CERS6: variants seen among roughly 807,000 people sequenced by gnomAD.
CERS6 encodes LAG1 homolog, ceramide synthase 6.
Under a neutral mutation model 56.8 loss-of-function variants are expected in CERS6, and 26 were observed. The ratio of observed to expected loss-of-function variants is 0.46; its 90% CI spans 0.34 to 0.63. The LOEUF is 0.63. Among genes scored for constraint, CERS6 ranks in the 30% least tolerant of loss-of-function variants. The pLI, the probability that CERS6 is intolerant of heterozygous loss-of-function variation, is 0.01. For synonymous variants in CERS6, 164 were observed against 173.3 expected (o/e 0.95, Z 0.42); for missense variants, 415 against 467.5 (o/e 0.89, Z 1.04).
intron 3 of CERS6, among the ~76,000 whole-genome samples, chr2:168,615,025 A>T (rs1444740810): frequency 1.3e-5 from 2 of 152,114 alleles, no homozygotes; most frequent in Non-Finnish European, 2.9e-5. Flanking sequence ...AAATCTGCAG[A>T]TGGTTCACAT....
At chr2:168,547,321 A>G (rs770832679) in intron 1 of CERS6, among the ~76,000 whole-genome samples, 1 of 152,140 alleles carries the variant, frequency 6.6e-6, no homozygotes, top group East Asian at 1.9e-4. Flanking sequence ...TTTTCATCTC[A>G]TAGTCTTTCT....
chr2:168,456,710 C>T lies in CERS6; in HGVS notation c.170+92C>T, dbSNP rs1463074937. On this transcript the variant is annotated intron_variant, in intron 1 of 9. Coordinates refer to ENST00000305747, the MANE Select transcript of CERS6 (RefSeq NM_203463.3). The surrounding 1 kb of genome is among the most constrained non-coding windows in gnomAD (Gnocchi z 4.1). ...CTCTCTGGCGCACGCCCCCGCGCCC[C>T]CAACGCTCGCGTTCACGCCTCCCAA... The T allele has an allele frequency of 1.6e-6, 2 of 1,278,624 alleles. No homozygotes were observed. The highest frequency in any genetic ancestry group is 2.5e-5 in the East Asian group (1 of 40,294). 79.2% of individuals were successfully genotyped at this position (1,278,624 alleles called of 1,614,324 possible). A position where few individuals can be genotyped will look rare whatever the true frequency, so the allele number is the denominator to read the frequency against.
intron 1 of CERS6, among the ~76,000 whole-genome samples, chr2:168,522,282 A>G (rs1339783260): frequency 3.3e-5 from 5 of 152,202 alleles, no homozygotes; most frequent in African/African-American, 1.2e-4. Context: ...GAAGAACTGC[A>G]GGTTTTTATG....
At chr2:168,746,874 T>C in intron 8 of CERS6, among the ~76,000 whole-genome samples, 1 of 145,438 alleles carries the variant, frequency 6.9e-6, no homozygotes, top group East Asian at 2.0e-4. Flanking sequence ...TAAAGTATGT[T>C]ATTTTCTCTA....
At chr2:168,575,103 C>A (rs1240971485) in intron 3 of CERS6, among the ~76,000 whole-genome samples, 2 of 152,174 alleles carry the variant, frequency 1.3e-5, no homozygotes, top group Non-Finnish European at 2.9e-5. Flanking sequence ...GCCAGCTCTA[C>A]CTGCCTGTCT....
chr2:168,714,952 A>C, intron 6 of CERS6, 49 bp from the exon 7 acceptor site: 1 of 1,560,698 alleles, frequency 6.4e-7, no homozygotes, highest in Non-Finnish European at 8.7e-7. Flanking sequence ...GGCTAAATGG[A>C]AATGTGATGT....
At chr2:168,459,813 A>G (rs1419408757) in intron 1 of CERS6, among the ~76,000 whole-genome samples, 2 of 152,234 alleles carry the variant, frequency 1.3e-5, no homozygotes, top group Non-Finnish European at 2.9e-5. Flanking sequence ...CTCAGGAACT[A>G]TAATAAATGC....
At chr2:168,676,625 A>T (rs987791991) in intron 4 of CERS6, among the ~76,000 whole-genome samples, 1 of 152,232 alleles carries the variant, frequency 6.6e-6, no homozygotes, top group Non-Finnish European at 1.5e-5. Flanking sequence ...GAAAATGTCT[A>T]CAAGTACTTA....
chr2:168,736,297 T>C (rs781516683), intron 8 of CERS6, among the ~76,000 whole-genome samples: 23 of 152,178 alleles, frequency 1.5e-4, no homozygotes, highest in Admixed American at 3.3e-4. Context: ...AGTTGATACA[T>C]GTACACAATG....
At chr2:168,696,708 A>G in intron 6 of CERS6, among the ~76,000 whole-genome samples, 1 of 152,198 alleles carries the variant, frequency 6.6e-6, no homozygotes, top group South Asian at 2.1e-4. Flanking sequence ...GGAAGGGGCA[A>G]GACAGCTCTA....
intron 3 of CERS6, among the ~76,000 whole-genome samples, chr2:168,589,759 A>G (rs16855551): frequency 0.019 from 2,885 of 152,324 alleles, 132 homozygotes; most frequent in East Asian, 0.19. Flanking sequence ...ACCTCATTCT[A>G]ACTTGTGATG....
Position 168,552,221 on chromosome 2 carries a change from T to TG in CERS6, c.276+4521dup, listed in dbSNP as rs370763726. Among the ~76,000 whole-genome samples, 599 of 152,170 alleles carry TG rather than the reference T, an allele frequency of 3.9e-3. 8 individuals carry two copies. The highest frequency in any genetic ancestry group is 0.014 in the African/African-American group (572 of 41,502). On this transcript the variant is annotated intron_variant, in intron 2 of 9. Coordinates refer to ENST00000305747, the MANE Select transcript of CERS6 (RefSeq NM_203463.3). ...TTAATGTTATTAATATTAACCTAGG[T>TG]GTTTGTAATATATAAATGTTTATGT... is the stretch of plus-strand genomic sequence containing the variant.
At chr2:168,696,954 T>C (rs1686664137) in intron 6 of CERS6, among the ~76,000 whole-genome samples, 1 of 152,212 alleles carries the variant, frequency 6.6e-6, no homozygotes, top group African/African-American at 2.4e-5. Context: ...GCAAAATCAG[T>C]TCCTTTACAT....
chr2:168,583,192 G>A (rs867346979), intron 3 of CERS6, among the ~76,000 whole-genome samples: 2 of 152,270 alleles, frequency 1.3e-5, no homozygotes, highest in South Asian at 4.2e-4. Context: ...TTAGAAATAT[G>A]CACTAATGAC....
intron 8 of CERS6, among the ~76,000 whole-genome samples, chr2:168,750,810 A>T (rs1047344721): frequency 2.0e-5 from 3 of 152,204 alleles, no homozygotes; most frequent in African/African-American, 4.8e-5. Context: ...TTTGACACGT[A>T]TTGTAACATT....
chr2:168,671,257 G>A (rs914147341), intron 4 of CERS6, among the ~76,000 whole-genome samples: 3 of 152,080 alleles, frequency 2.0e-5, no homozygotes, highest in Non-Finnish European at 4.4e-5. Flanking sequence ...GAGCCGCTGG[G>A]CCCGGCCACA....
At chr2:168,591,343 T>C (rs1041211559) in intron 3 of CERS6, among the ~76,000 whole-genome samples, 19 of 152,242 alleles carry the variant, frequency 1.2e-4, no homozygotes, top group African/African-American at 4.6e-4. Flanking sequence ...TGAAGTTTCA[T>C]GTTGTCCCTA....
chr2:168,623,256 G>A lies in CERS6; in HGVS notation c.408-7729G>A, dbSNP rs114752178. 3.5e-3 allele frequency among the ~76,000 whole-genome samples: 531 copies of A among 152,176 alleles called. 5 individuals carry two copies. Among genetic ancestry groups the A allele is most frequent in the African/African-American group, 0.012 (506 of 41,522 alleles). ...AATAGTGATTACCAGGGATAGGAGT[G>A]GGGGAAAGAGGGAGATGTTGGTTGA... On this transcript the variant is annotated intron_variant, in intron 3 of 9. Transcript: ENST00000305747.
chr2:168,630,930 A>G (rs1486352784), intron 3 of CERS6, 55 bp from the exon 4 acceptor site: 9 of 786,418 alleles, frequency 1.1e-5, no homozygotes, highest in Non-Finnish European at 1.9e-5. Flanking sequence ...ATATTTCAGT[A>G]TATGCTGTGA....
Sources: allele counts gnomAD v4.1 joint callset (sites outside exome capture counted in the v4.1 genomes callset), GRCh38; gene constraint gnomAD v4.1.1; non-coding constraint Gnocchi (gnomAD v3.1); transcripts MANE v1.5; gene names NCBI Gene and HGNC (gene_info 2026-07-23, HGNC 2026-07-21).